FAN1: variants seen among roughly 807,000 people sequenced by gnomAD.
FAN1 encodes FANCD2 and FANCI associated nuclease 1, also known as fanconi-associated nuclease 1.
In FAN1, 91 loss-of-function variants were observed where a neutral mutation model predicts 104.9. That is an observed-to-expected ratio of 0.87 (90% CI 0.73 to 1.03). The LOEUF is 1.03. Ranked by LOEUF, FAN1 falls within the 50% of genes least tolerant of loss-of-function variation. FAN1 has a pLI of 0.00. For missense variants in FAN1, 1,263 were observed against 1,239.9 expected, an observed-to-expected ratio of 1.02 and a Z score of -0.28; for synonymous variants, 478 against 457.6, an observed-to-expected ratio of 1.04 and a Z score of -0.57.
At position 30,942,284 on chromosome 15, in the gene FAN1, A is replaced by G. The variant is rs1359430260; in HGVS notation, c.*722A>G. The G allele has an allele frequency of 1.6e-6, 1 of 632,530 alleles. No homozygotes were observed. 39.2% of individuals were successfully genotyped at this position (632,530 alleles called of 1,614,324 possible). A position where few individuals can be genotyped will look rare whatever the true frequency, so the allele number is the denominator to read the frequency against. The stretch of plus-strand genomic sequence containing the variant: ...TGACTCTACCTAGGCTGTTACTATC[A>G]GCCTGAATGGGGGCGGGATGAGAGT... On this transcript the variant is annotated 3_prime_UTR_variant, in exon 15 of 15. Coordinates refer to ENST00000362065, the MANE Select transcript of FAN1 (RefSeq NM_014967.5).
At chr15:30,941,185 GAAAAATGGATGGAGAC>G (rs2063036087) in intron 14 of FAN1, 12 of 1,339,874 alleles carry the variant, frequency 9.0e-6, no homozygotes, top group Middle Eastern at 2.0e-4. Flanking sequence ...GAGGTGGTAG[GAAAAATGGATGGAGAC>G]AAAAATGTAG....
intron 7 of FAN1, 108 bp downstream of exon 7, chr15:30,920,761 C>T: frequency 1.5e-6 from 1 of 653,188 alleles, no homozygotes; most frequent in Admixed American, 3.0e-5. Context: ...GGTTAGCACA[C>T]AGTAATATAA....
intron 4 of FAN1, chr15:30,911,836 G>A (rs1365704979): frequency 3.2e-6 from 1 of 314,810 alleles, no homozygotes; most frequent in Admixed American, 6.5e-5. Context: ...GGCTGAGGCA[G>A]GTGGATCACA....
At chr15:30,926,007 G>A in intron 10 of FAN1, 68 bp downstream of exon 10, 1 of 1,507,314 alleles carries the variant, frequency 6.6e-7, no homozygotes, top group Non-Finnish European at 9.2e-7. Context: ...TGGATGGGCT[G>A]TCAGCAGTGG....
At chr15:30,904,320 C>T (rs912248594) in intron 1 of FAN1, among the ~76,000 whole-genome samples, 192 bp from the exon 2 acceptor site, 1 of 152,096 alleles carries the variant, frequency 6.6e-6, no homozygotes, top group African/African-American at 2.4e-5. Flanking sequence ...CTTACAAGCC[C>T]AGCTCTGTCA....
At position 30,905,793 on chromosome 15, in the gene FAN1, G is replaced by T; in HGVS notation, c.1130G>T (p.Arg377Leu). 3 of 1,614,158 alleles carry T rather than the reference G, an allele frequency of 1.9e-6. No homozygotes were observed. Among genetic ancestry groups the T allele is most frequent in the Non-Finnish European group, 2.5e-6 (3 of 1,180,018 alleles). Residue 377 changes from arginine to leucine, a missense_variant, in exon 2 of 15, where the codon CGG becomes CTG. Physicochemically the swap from Arg to Leu is moderately radical, Grantham distance 102. Coordinates refer to ENST00000362065, the MANE Select transcript of FAN1 (RefSeq NM_014967.5). ...GQTTGHPYYLRSFLVVLKTVL... is the reference protein window; with the variant it reads ...GQTTGHPYYLLSFLVVLKTVL... ...ACAACCGGTCATCCTTACTACCTTC[G>T]GAGTTTCCTTGTGGTGCTGAAAACC...
At chr15:30,925,022 C>T (rs552845723) in intron 8 of FAN1, 105 bp from the exon 9 acceptor site, 2 of 1,216,454 alleles carry the variant, frequency 1.6e-6, no homozygotes. Context: ...ATTTGCTAAT[C>T]AGCAAAATTC....
chr15:30,940,076 TA>T (rs1272104863), intron 14 of FAN1: 50 of 982,852 alleles, frequency 5.1e-5, no homozygotes, highest in Non-Finnish European at 5.9e-5. Flanking sequence ...GAAAAGGAAA[TA>T]AGCTAACTAG....
At chr15:30,930,024 AAT>A (rs938785397) in intron 12 of FAN1, among the ~76,000 whole-genome samples, 299 of 138,058 alleles carry the variant, frequency 2.2e-3, no homozygotes, top group African/African-American at 7.5e-3. Flanking sequence ...AATATATAAT[AAT>A]ATATATATTA....
chr15:30,935,149 G>A (rs1404060238), intron 13 of FAN1, among the ~76,000 whole-genome samples: 2 of 151,732 alleles, frequency 1.3e-5, no homozygotes, highest in South Asian at 2.1e-4. Context: ...TCTACAAAAC[G>A]ATAAACAAAT....
chr15:30,938,045 T>G (rs777982987), intron 14 of FAN1, among the ~76,000 whole-genome samples: 5 of 151,796 alleles, frequency 3.3e-5, no homozygotes, highest in South Asian at 2.1e-4. Flanking sequence ...TTGGGTGGGC[T>G]TGGTGGCACA....
intron 13 of FAN1, among the ~76,000 whole-genome samples, chr15:30,935,184 T>G (rs1172116502): frequency 6.6e-6 from 1 of 152,030 alleles, no homozygotes; most frequent in Non-Finnish European, 1.5e-5. Context: ...GGTGTGCACT[T>G]GTAGTCCCAG....
intron 8 of FAN1, among the ~76,000 whole-genome samples, chr15:30,923,710 G>A (rs537553975): frequency 1.9e-4 from 29 of 152,330 alleles, no homozygotes; most frequent in Non-Finnish European, 2.2e-4. Flanking sequence ...CCAGCGAACA[G>A]GGTGCCCTTC....
rs764422111 is a variant in FAN1 at position 30,905,427 on chromosome 15, C to G, written c.764C>G (p.Pro255Arg). The change falls in exon 2 of 15, where the codon CCT becomes CGT. Residue 255 changes from proline (P) to arginine (R), a missense_variant. Pro to Arg is a moderately radical substitution (Grantham distance 103). Coordinates refer to ENST00000362065, the MANE Select transcript of FAN1 (RefSeq NM_014967.5). ...TRECEKSALT[P>R]GFSDNAIMLF... is the part of the protein sequence containing the mutation. Reference sequence around the variant, plus strand: ...GAATGTGAGAAATCAGCCCTCACCCCTGGATTCTCAGATAATGCGATCATG... The same window carrying G: ...GAATGTGAGAAATCAGCCCTCACCCGTGGATTCTCAGATAATGCGATCATG... The G allele has an allele frequency of 1.2e-6, 2 of 1,614,156 alleles. No homozygotes were observed. The highest frequency in any genetic ancestry group is 4.5e-5 in the East Asian group (2 of 44,886).
At position 30,904,634 on chromosome 15, in the gene FAN1, T is replaced by A. The variant is rs752055523; in HGVS notation, c.-30T>A. ...TCACCTTAAATATCCTGTGTTTTAT[T>A]GCTCAGAACATCCAGTTTTTCTAAT... is the stretch of plus-strand genomic sequence containing the variant. On this transcript the variant is annotated 5_prime_UTR_variant, in exon 2 of 15. Transcript: ENST00000362065. The A allele has an allele frequency of 6.2e-7, 1 of 1,604,798 alleles. No individual in the cohort carries two copies. The highest frequency in any genetic ancestry group is 2.2e-5 in the East Asian group (1 of 44,858).
In FAN1 at chr15:30,932,774, C is replaced by T. The variant is rs567324434; in HGVS notation, c.2916+2103C>T. Among the ~76,000 whole-genome samples the T allele has an allele frequency of 9.7e-5, 14 of 145,074 alleles. No individual in the cohort carries two copies. In the East Asian group the frequency reaches 1.1e-3, roughly 11 times the overall value. On this transcript the variant is annotated intron_variant, in intron 13 of 14. Coordinates refer to ENST00000362065, the MANE Select transcript of FAN1 (RefSeq NM_014967.5). ...TGTCGCCCAGACTGGAGTGTAGTAG[C>T]GTGAGTTAGCTCACTGCAACTTCCG...
chr15:30,928,912 C>T, intron 11 of FAN1: 2 of 514,496 alleles, frequency 3.9e-6, no homozygotes, highest in Non-Finnish European at 5.0e-6. Flanking sequence ...TCAGCATCAG[C>T]CCTCCCGAGC....
At position 30,940,492 on chromosome 15, in the gene FAN1, G is replaced by C. The variant is rs1463802470; in HGVS notation, c.*4-1074G>C. ...AGGTGCCCAACTCGTAACCTCATTAGTTATTTCCAGGGGGAAGTGCCAGCA... is the reference window on the plus strand; with the variant it reads ...AGGTGCCCAACTCGTAACCTCATTACTTATTTCCAGGGGGAAGTGCCAGCA... On this transcript the variant is annotated intron_variant, in intron 14 of 14. Transcript: ENST00000362065. 7.1e-6 allele frequency: 7 copies of C among 985,462 alleles called. No individual in the cohort carries two copies. In the East Asian group the frequency reaches 4.5e-4, roughly 64 times the overall value. The allele number at this position is 985,462 out of a possible 1,614,324, so 61.0% of individuals were successfully genotyped here. A position where few individuals can be genotyped will look rare whatever the true frequency, so the allele number is the denominator to read the frequency against.
Position 30,910,733 on chromosome 15 carries a change from G to T in FAN1, c.1495G>T (p.Ala499Ser). The change falls in exon 4 of 15, where the codon GCC becomes TCC. Residue 499 changes from alanine (A) to serine (S), a missense_variant. By Grantham distance (99) the Ala-to-Ser change is moderately conservative. Around this residue, in one of 2 missense-constraint regions of FAN1, gnomAD observed 581 missense variants for 668.8 expected, o/e 0.87. Transcript: ENST00000362065. ...PNGQKQQLVDAFLKLAKQRSV... is the reference protein window; with the variant it reads ...PNGQKQQLVDSFLKLAKQRSV... ...TGGACAGAAACAGCAGCTGGTGGAC[G>T]CCTTTCTCAAATTGGCCAAACAGCG... The T allele has an allele frequency of 6.2e-7, 1 of 1,614,080 alleles. No individual in the cohort carries two copies. Among genetic ancestry groups the T allele is most frequent in the Non-Finnish European group, 8.5e-7 (1 of 1,180,016 alleles).
Sources: allele counts gnomAD v4.1 joint callset (sites outside exome capture counted in the v4.1 genomes callset), GRCh38; gene constraint gnomAD v4.1.1; regional missense constraint gnomAD v4.1.1; transcripts MANE v1.5; gene names NCBI Gene and HGNC (gene_info 2026-07-23, HGNC 2026-07-21).